The following HEATR5A variants were observed in gnomAD, a reference collection of about 807,000 sequenced individuals.
HEATR5A encodes the protein HEAT repeat-containing protein 5A.
Under a neutral mutation model 218.8 loss-of-function variants are expected in HEATR5A, and 178 were observed. The observed-to-expected ratio is 0.81, with a 90% CI of 0.72 to 0.92. The LOEUF (loss-of-function observed/expected upper bound fraction) is 0.92. HEATR5A is among the 40% of genes least tolerant of loss of function. HEATR5A has a pLI of 0.00. For missense variants in HEATR5A, 2,420 were observed against 2,418.9 expected, an observed-to-expected ratio of 1.00 and a Z score of -0.01; for synonymous variants, 864 against 871.6, an observed-to-expected ratio of 0.99 and a Z score of 0.15.
chr14:31,343,807 T>C (rs1262131828), intron 21 of HEATR5A, 89 bp downstream of exon 21: 6 of 1,062,922 alleles, frequency 5.6e-6, no homozygotes, highest in South Asian at 4.9e-5. Flanking sequence ...ACTTTGTACA[T>C]AGTCTAGAGT....
chr14:31,307,043 G>C (rs1007132137), intron 30 of HEATR5A, among the ~76,000 whole-genome samples, 164 bp from the exon 31 acceptor site: 1 of 152,184 alleles, frequency 6.6e-6, no homozygotes, highest in African/African-American at 2.4e-5. Context: ...CAACTCCAGA[G>C]GCCGGGCACA....
At position 31,403,057 on chromosome 14, in the gene HEATR5A, A is replaced by T; in HGVS notation, c.-74-8T>A. The T allele has an allele frequency of 7.8e-7, 1 of 1,276,338 alleles. No homozygotes were observed. Among genetic ancestry groups the T allele is most frequent in the Non-Finnish European group, 1.0e-6 (1 of 952,562 alleles). 79.1% of individuals were successfully genotyped at this position (1,276,338 alleles called of 1,614,324 possible). On this transcript the variant is annotated splice_region_variant and splice_polypyrimidine_tract_variant and intron_variant, in intron 1 of 35. Coordinates refer to ENST00000543095, the MANE Select transcript of HEATR5A (RefSeq NM_015473.4). ...ATACCTAACAATAAAAATCTGCAATACAGGAAAATAATGTATTTTAAAAGG... is the reference window on the plus strand; with the variant it reads ...ATACCTAACAATAAAAATCTGCAATTCAGGAAAATAATGTATTTTAAAAGG...
intron 22 of HEATR5A, among the ~76,000 whole-genome samples, chr14:31,332,181 T>A (rs948582712): frequency 1.3e-5 from 2 of 152,198 alleles, no homozygotes; most frequent in Admixed American, 1.3e-4. Flanking sequence ...AATTATAATA[T>A]CTGTTATGAT....
intron 26 of HEATR5A, among the ~76,000 whole-genome samples, 171 bp downstream of exon 26, chr14:31,318,053 A>G (rs533534159): frequency 1.2e-4 from 19 of 152,334 alleles, no homozygotes; most frequent in Admixed American, 1.2e-3. Flanking sequence ...TAACATATCT[A>G]TATAGTGGAT....
At chr14:31,341,379 A>G (rs1029660125) in intron 21 of HEATR5A, among the ~76,000 whole-genome samples, 10 of 151,834 alleles carry the variant, frequency 6.6e-5, no homozygotes, top group Non-Finnish European at 1.2e-4. Flanking sequence ...AAAAGTTAAT[A>G]AGTTTGATCA....
chr14:31,320,523 T>C, intron 25 of HEATR5A: 2 of 1,154,010 alleles, frequency 1.7e-6, no homozygotes, highest in Non-Finnish European at 2.6e-6. Flanking sequence ...GAAGGCTGTT[T>C]AGATGAATTC....
chr14:31,325,573 A>T (rs1482530015), intron 23 of HEATR5A, among the ~76,000 whole-genome samples: 1 of 151,958 alleles, frequency 6.6e-6, no homozygotes, highest in African/African-American at 2.4e-5. Context: ...CAGTGGTGTG[A>T]TCTTGGCTCA....
intron 25 of HEATR5A, chr14:31,320,438 G>C: frequency 7.5e-7 from 1 of 1,333,992 alleles, no homozygotes; most frequent in Non-Finnish European, 1.1e-6. Context: ...AAACTTGGCG[G>C]CTGTGTCAGT....
At chr14:31,341,463 G>A (rs1900837500) in intron 21 of HEATR5A, among the ~76,000 whole-genome samples, 1 of 151,998 alleles carries the variant, frequency 6.6e-6, no homozygotes, top group Non-Finnish European at 1.5e-5. Flanking sequence ...GCGCAATCAT[G>A]GCTCACTGTT....
chr14:31,406,298 AT>A (rs1257840662), intron 1 of HEATR5A, among the ~76,000 whole-genome samples: 1 of 152,218 alleles, frequency 6.6e-6, no homozygotes, highest in Non-Finnish European at 1.5e-5. Flanking sequence ...ATATTTAAAT[AT>A]ATTTTTCAAA....
chr14:31,403,704 C>G (rs1004804241), intron 1 of HEATR5A, among the ~76,000 whole-genome samples: 1 of 152,224 alleles, frequency 6.6e-6, no homozygotes, highest in Non-Finnish European at 1.5e-5. Context: ...CATATCTGCT[C>G]TGACCTAGAT....
Position 31,296,104 on chromosome 14 carries a change from G to A in HEATR5A, c.5465-41C>T, listed in dbSNP as rs779155509. The A allele has an allele frequency of 3.9e-6, 6 of 1,541,734 alleles. No homozygotes were observed. The Admixed American group carries it at 5.2e-5, about 13-fold the overall frequency. ...CTATTAGAAACAGTTCATATTTACTGCTTTATATACCTGTGTGAAGCTGTC... is the reference window on the plus strand; with the variant it reads ...CTATTAGAAACAGTTCATATTTACTACTTTATATACCTGTGTGAAGCTGTC... On this transcript the variant is annotated intron_variant, in intron 33 of 35. Transcript: ENST00000543095.
Position 31,344,060 on chromosome 14 carries a change from T to G in HEATR5A, c.3064A>C (p.Ser1022Arg). The G allele has an allele frequency of 6.6e-7, 1 of 1,505,386 alleles. No individual in the cohort carries two copies. The highest frequency in any genetic ancestry group is 8.9e-7 in the Non-Finnish European group (1 of 1,123,342). 93.3% of individuals were successfully genotyped at this position (1,505,386 alleles called of 1,614,324 possible). A position where few individuals can be genotyped will look rare whatever the true frequency, so the allele number is the denominator to read the frequency against. ...GTCCTTAAGGTAGAAATTGAAGTACTGTTACCTAAAATAAAAAGCAGAAAG... is the reference window on the plus strand; with the variant it reads ...GTCCTTAAGGTAGAAATTGAAGTACGGTTACCTAAAATAAAAAGCAGAAAG... ...TTLGPELQGNSTSISTLRTSC... is the reference protein window; with the variant it reads ...TTLGPELQGNRTSISTLRTSC... Residue 1022 changes from serine to arginine, a missense_variant, in exon 21 of 36, where the codon AGT becomes CGT. Ser to Arg is a moderately radical substitution (Grantham distance 110, BLOSUM62 -1). Transcript: ENST00000543095.
At chr14:31,381,230 C>A (rs1486995247) in intron 10 of HEATR5A, among the ~76,000 whole-genome samples, 1 of 151,932 alleles carries the variant, frequency 6.6e-6, no homozygotes, top group Non-Finnish European at 1.5e-5. Flanking sequence ...GCCTGGGCAA[C>A]AGAGTGAGAC....
chr14:31,380,472 G>A lies in HEATR5A; in HGVS notation c.1703C>T (p.Thr568Ile), dbSNP rs1297044553. 2 of 1,597,758 alleles carry A rather than the reference G, an allele frequency of 1.3e-6. No individual in the cohort carries two copies. Among genetic ancestry groups the A allele is most frequent in the African/African-American group, 2.7e-5 (2 of 74,644 alleles). ...AGWLLISALM[T>I]LGPAVVSHHL... is the part of the protein sequence containing the mutation. ...AACCTTCTACAGACTGTTACCTAAT[G>A]TCATCAGAGCAGAAATCAGCAACCA... Residue 568 changes from threonine to isoleucine, a missense_variant, in exon 11 of 36, where the codon ACA (threonine) becomes ATA (isoleucine). Thr to Ile is a moderately conservative substitution (Grantham distance 89). Coordinates refer to ENST00000543095, the MANE Select transcript of HEATR5A (RefSeq NM_015473.4).
At position 31,354,232 on chromosome 14, in the gene HEATR5A, G is replaced by A. The variant is rs546432819; in HGVS notation, c.2412-3515C>T. On this transcript the variant is annotated intron_variant, in intron 16 of 35. Transcript: ENST00000543095. ...GCTCCCAAGTTTAAAAACCTATAACGTCATTATTAGATCATATCCTACATC... is the reference window on the plus strand; with the variant it reads ...GCTCCCAAGTTTAAAAACCTATAACATCATTATTAGATCATATCCTACATC... Among the ~76,000 whole-genome samples, 41 of 152,082 alleles carry A rather than the reference G, an allele frequency of 2.7e-4. 1 individual carries two copies. The highest frequency in any genetic ancestry group is 8.9e-4 in the African/African-American group (37 of 41,476).
At position 31,336,197 on chromosome 14, in the gene HEATR5A, T is replaced by C. The variant is rs1305968766; in HGVS notation, c.3367+1279A>G. Among the ~76,000 whole-genome samples the C allele has an allele frequency of 3.0e-5, 4 of 132,438 alleles. 1 individual carries two copies. Among genetic ancestry groups the C allele is most frequent in the African/African-American group, 1.1e-4 (4 of 36,968 alleles). The allele number at this position is 132,438 out of a possible 152,430, so 86.9% of individuals were successfully genotyped here. A position where few individuals can be genotyped will look rare whatever the true frequency, so the allele number is the denominator to read the frequency against. ...TCATGCCATATTGCGCAGGGGGTTA[T>C]TTTTATATATACATACATACATATA... On this transcript the variant is annotated intron_variant, in intron 22 of 35. Coordinates refer to ENST00000543095, the MANE Select transcript of HEATR5A (RefSeq NM_015473.4).
chr14:31,314,402 T>A (rs772089466), intron 27 of HEATR5A, among the ~76,000 whole-genome samples: 3 of 151,636 alleles, frequency 2.0e-5, no homozygotes, highest in Non-Finnish European at 4.4e-5. Flanking sequence ...TACAGGCATA[T>A]GCCACCACGC....
At chr14:31,370,714 T>C (rs752839699) in intron 13 of HEATR5A, among the ~76,000 whole-genome samples, 2 of 152,212 alleles carry the variant, frequency 1.3e-5, no homozygotes, top group Non-Finnish European at 2.9e-5. Context: ...TATGTTGTTG[T>C]ATATTCACAC....
Sources: gnomAD v4.1 joint callset for allele counts (sites outside exome capture counted in the v4.1 genomes callset) on GRCh38, gnomAD v4.1.1 for gene constraint, MANE v1.5 for transcripts, NCBI Gene and HGNC (gene_info 2026-07-23, HGNC 2026-07-21) for gene names.